The following PALLD variants were observed in gnomAD, a reference collection of about 807,000 sequenced individuals.
PALLD encodes the protein palladin.
Under a neutral mutation model 123.5 loss-of-function variants are expected in PALLD, and 61 were observed. That is an observed-to-expected ratio of 0.49 (90% CI 0.40 to 0.61). The LOEUF (loss-of-function observed/expected upper bound fraction) is 0.61, where lower values mean the gene tolerates loss of function less well. Among genes scored for constraint, PALLD ranks in the 20% least tolerant of loss-of-function variants. PALLD has a pLI of 0.00. For synonymous variants in PALLD, 465 were observed against 496.4 expected, an observed-to-expected ratio of 0.94 and a Z score of 0.84; for missense variants, 1,273 against 1,377.0, an observed-to-expected ratio of 0.92 and a Z score of 1.20.
chr4:168,548,771 G>T (rs1766429302), intron 2 of PALLD, among the ~76,000 whole-genome samples: 1 of 152,132 alleles, frequency 6.6e-6, no homozygotes, highest in Non-Finnish European at 1.5e-5. Context: ...CCTTTGAAAG[G>T]TTGCTTTAAA....
At chr4:168,497,554 G>A (rs543331947) in intron 1 of PALLD, among the ~76,000 whole-genome samples, 2 of 152,240 alleles carry the variant, frequency 1.3e-5, no homozygotes, top group African/African-American at 2.4e-5. Context: ...AAAGGAAAAC[G>A]CAGCTTTCTA....
intron 2 of PALLD, among the ~76,000 whole-genome samples, chr4:168,539,953 C>G (rs944642098): frequency 4.6e-5 from 7 of 152,028 alleles, no homozygotes; most frequent in Non-Finnish European, 7.4e-5. Flanking sequence ...TTCTCACCCC[C>G]TTCCCTTCTC....
chr4:168,759,193 AAAAAAAAAAATATATATAT>A (rs1163602519), intron 10 of PALLD, among the ~76,000 whole-genome samples: 34 of 32,416 alleles, frequency 1.0e-3, no homozygotes, highest in African/African-American at 4.7e-3. Flanking sequence ...AAAAAAAAAA[AAAAAAAAAAATATATATAT>A]ATATATATAT....
At chr4:168,771,242 A>G (rs887907765) in intron 10 of PALLD, among the ~76,000 whole-genome samples, 1 of 152,190 alleles carries the variant, frequency 6.6e-6, no homozygotes, top group East Asian at 1.9e-4. Context: ...TATGTAAAAT[A>G]TAATAAAAAC....
chr4:168,858,625 T>TA (rs1581788899), intron 10 of PALLD, among the ~76,000 whole-genome samples: 3 of 151,640 alleles, frequency 2.0e-5, no homozygotes, highest in African/African-American at 2.4e-5. Context: ...TCTACAAAAG[T>TA]AAAAAAATTA....
intron 10 of PALLD, among the ~76,000 whole-genome samples, chr4:168,848,565 G>A (rs536433382): frequency 6.6e-6 from 1 of 152,280 alleles, no homozygotes; most frequent in African/African-American, 2.4e-5. Flanking sequence ...CATGAAGGGA[G>A]ACACTATTAA....
intron 10 of PALLD, among the ~76,000 whole-genome samples, chr4:168,756,731 A>G (rs1336151161): frequency 6.6e-6 from 1 of 152,230 alleles, no homozygotes; most frequent in African/African-American, 2.4e-5. Context: ...GGGAATGTCA[A>G]GTAGGCAGCT....
chr4:168,523,217 A>AAG (rs1248404064), intron 2 of PALLD, among the ~76,000 whole-genome samples: 4 of 107,158 alleles, frequency 3.7e-5, no homozygotes, highest in African/African-American at 8.6e-5. Context: ...AACGAGAAGA[A>AAG]AGAGGAGAGG....
intron 2 of PALLD, among the ~76,000 whole-genome samples, chr4:168,553,785 A>T (rs1465987183): frequency 3.3e-5 from 5 of 151,852 alleles, no homozygotes; most frequent in Admixed American, 3.3e-4. Context: ...CTGCTTCCCT[A>T]CCTGAGTGCC....
intron 10 of PALLD, among the ~76,000 whole-genome samples, chr4:168,790,386 T>C (rs888935969): frequency 6.6e-6 from 1 of 151,194 alleles, no homozygotes; most frequent in Non-Finnish European, 1.5e-5. Flanking sequence ...GGTTTCAAAC[T>C]CCTGACCTCA....
At chr4:168,679,389 TGTGGTGTGCTGTGGGGTGTGTG>T (rs1781290534) in intron 3 of PALLD, among the ~76,000 whole-genome samples, 1 of 108,490 alleles carries the variant, frequency 9.2e-6, no homozygotes, top group Admixed American at 9.6e-5. Flanking sequence ...TGTGTGTGTG[TGTGGTGTGCTGTGGGGTGTGTG>T]CGTGTGGTAG....
At chr4:168,876,865 A>C (rs1751815881) in intron 10 of PALLD, among the ~76,000 whole-genome samples, 1 of 152,186 alleles carries the variant, frequency 6.6e-6, no homozygotes, top group African/African-American at 2.4e-5. Flanking sequence ...CATGTGAATA[A>C]AGGAAAACAT....
chr4:168,564,546 G>T (rs569808709), intron 2 of PALLD, among the ~76,000 whole-genome samples: 1 of 152,272 alleles, frequency 6.6e-6, no homozygotes, highest in East Asian at 1.9e-4. Context: ...GACTAAACAA[G>T]ATGTTTTCTA....
intron 1 of PALLD, among the ~76,000 whole-genome samples, chr4:168,502,708 T>C (rs1259643164): frequency 2.0e-5 from 3 of 152,058 alleles, no homozygotes; most frequent in East Asian, 3.9e-4. Context: ...GAGACTGGCA[T>C]AGGCGAAAAA....
chr4:168,544,872 A>T (rs180696415), intron 2 of PALLD, among the ~76,000 whole-genome samples: 52 of 152,326 alleles, frequency 3.4e-4, no homozygotes, highest in Non-Finnish European at 7.3e-5. Context: ...AGTCATCCCC[A>T]GGGAAACAAC....
intron 10 of PALLD, among the ~76,000 whole-genome samples, chr4:168,877,095 A>G (rs539236857): frequency 2.6e-5 from 4 of 152,366 alleles, no homozygotes; most frequent in Admixed American, 2.0e-4. Context: ...AACATACAAT[A>G]TCAATGTGTA....
intron 10 of PALLD, among the ~76,000 whole-genome samples, chr4:168,752,211 A>G (rs964378134): frequency 2.0e-5 from 3 of 152,234 alleles, no homozygotes; most frequent in Admixed American, 1.3e-4. Flanking sequence ...TGTCTCTACA[A>G]AAAAGTCCAA....
intron 10 of PALLD, among the ~76,000 whole-genome samples, chr4:168,719,338 A>G (rs1202612384): frequency 1.4e-5 from 2 of 139,950 alleles, no homozygotes; most frequent in Non-Finnish European, 3.0e-5. Context: ...GCTCACTGCA[A>G]CCTCCGCCTC....
intron 10 of PALLD, among the ~76,000 whole-genome samples, chr4:168,811,759 C>G (rs1053989259): frequency 1.8e-5 from 2 of 109,330 alleles, no homozygotes; most frequent in Non-Finnish European, 3.8e-5. Flanking sequence ...CTCTCTCTTT[C>G]TCTCTCTCTC....
Sources: allele counts gnomAD v4.1 joint callset (sites outside exome capture counted in the v4.1 genomes callset), GRCh38; gene constraint gnomAD v4.1.1; transcripts MANE v1.5; gene names NCBI Gene and HGNC (gene_info 2026-07-23, HGNC 2026-07-21).